RANBP2: variants seen among roughly 807,000 people sequenced by gnomAD.
The protein encoded by RANBP2 is RAN binding protein 2, also known as E3 SUMO-protein ligase RanBP2.
Under a neutral mutation model 303.6 loss-of-function variants are expected in RANBP2, and 57 were observed. The observed-to-expected ratio is 0.19, with a 90% CI of 0.15 to 0.23. The LOEUF (loss-of-function observed/expected upper bound fraction) is 0.23. Ranked by LOEUF, RANBP2 falls within the 10% of genes least tolerant of loss-of-function variation. RANBP2 has a pLI of 1.00. For synonymous variants in RANBP2, 1,167 were observed against 1,301.5 expected, an observed-to-expected ratio of 0.90 and a Z score of 2.23; for missense variants, 3,138 against 3,780.8, an observed-to-expected ratio of 0.83 and a Z score of 4.46.
chr2:108,794,558 C>G, the RANBP2 span: 7 of 1,609,424 alleles, frequency 4.3e-6, no homozygotes, highest in Non-Finnish European at 5.9e-6. Context: ...CCAACTAATA[C>G]GACCTCATCG....
the RANBP2 span, among the ~76,000 whole-genome samples, chr2:109,276,167 T>A: frequency 6.6e-6 from 1 of 152,286 alleles, no homozygotes; most frequent in African/African-American, 2.4e-5. Flanking sequence ...GAGCAGGCAT[T>A]CAACTTAAGA....
At chr2:109,398,699 C>T in the RANBP2 span, 1 of 1,611,872 alleles carries the variant, frequency 6.2e-7, no homozygotes, top group Non-Finnish European at 8.5e-7. Flanking sequence ...GCCAGCGTGG[C>T]CCCAAGTCCC....
At chr2:109,375,514 A>G in the RANBP2 span, among the ~76,000 whole-genome samples, 10 of 152,026 alleles carry the variant, frequency 6.6e-5, no homozygotes, top group African/African-American at 2.2e-4. Context: ...ACTAAATCCA[A>G]ACACTCCACC....
At chr2:109,182,626 T>C in the RANBP2 span, among the ~76,000 whole-genome samples, 3 of 152,242 alleles carry the variant, frequency 2.0e-5, no homozygotes, top group Non-Finnish European at 4.4e-5. Context: ...AATTGGTGAC[T>C]AAAGGAATGA....
the RANBP2 span, among the ~76,000 whole-genome samples, chr2:109,644,286 A>G: frequency 2.6e-5 from 4 of 151,880 alleles, no homozygotes; most frequent in Non-Finnish European, 5.9e-5. Context: ...CAGCCTGGGC[A>G]ACAGAGTGAG....
the RANBP2 span, among the ~76,000 whole-genome samples, chr2:108,869,078 T>C: frequency 2.6e-5 from 4 of 152,046 alleles, no homozygotes; most frequent in Non-Finnish European, 5.9e-5. Context: ...TTGTACATGC[T>C]CAAGCAGAGC....
the RANBP2 span, among the ~76,000 whole-genome samples, chr2:109,032,580 T>C: frequency 2.6e-5 from 4 of 151,834 alleles, no homozygotes; most frequent in East Asian, 7.8e-4. Flanking sequence ...CTTTCTCCCC[T>C]CCCCATGGGG....
At chr2:108,955,661 A>G in the RANBP2 span, among the ~76,000 whole-genome samples, 1 of 150,828 alleles carries the variant, frequency 6.6e-6, no homozygotes, top group African/African-American at 2.4e-5. Context: ...AGCCGAGATC[A>G]CACCACTGCA....
chr2:109,021,248 G>T, the RANBP2 span, among the ~76,000 whole-genome samples: 3 of 152,186 alleles, frequency 2.0e-5, no homozygotes, highest in Admixed American at 2.0e-4. Flanking sequence ...AAGCCATCGG[G>T]CGCGGTGGCT....
the RANBP2 span, among the ~76,000 whole-genome samples, chr2:108,833,103 G>A: frequency 6.6e-6 from 1 of 152,178 alleles, no homozygotes; most frequent in African/African-American, 2.4e-5. Flanking sequence ...AGCTGCCAGG[G>A]GTTCTGAGAA....
chr2:108,953,630 T>C, the RANBP2 span, among the ~76,000 whole-genome samples: 2 of 152,146 alleles, frequency 1.3e-5, no homozygotes. Flanking sequence ...CACAACCAGA[T>C]GATTTTCTAG....
chr2:109,296,832 T>C, the RANBP2 span, among the ~76,000 whole-genome samples: 52 of 152,294 alleles, frequency 3.4e-4, no homozygotes, highest in East Asian at 9.8e-3. Context: ...CTGCTGCCAG[T>C]GGCCCCCAAG....
At chr2:109,364,807 G>A in the RANBP2 span, among the ~76,000 whole-genome samples, 19 of 152,118 alleles carry the variant, frequency 1.2e-4, no homozygotes, top group African/African-American at 3.9e-4. Flanking sequence ...AACCCCAATG[G>A]GGGCCAGATG....
At chr2:108,782,079 G>A in intron 26 of RANBP2, 49 bp from the exon 27 acceptor site, 1 of 1,588,668 alleles carries the variant, frequency 6.3e-7, no homozygotes. Context: ...ATTTGTCATG[G>A]AATTTATTAT....
intron 1 of RANBP2, among the ~76,000 whole-genome samples, chr2:108,727,116 G>A (rs1694782415): frequency 6.6e-6 from 1 of 152,098 alleles, no homozygotes; most frequent in African/African-American, 2.4e-5. Flanking sequence ...AACCGCCATT[G>A]TCATCATGGC....
the RANBP2 span, among the ~76,000 whole-genome samples, chr2:109,059,013 T>C: frequency 6.6e-6 from 1 of 151,708 alleles, no homozygotes; most frequent in African/African-American, 2.4e-5. Context: ...ATATGGGGCA[T>C]AGTGGCCATG....
chr2:109,365,854 G>A, the RANBP2 span, among the ~76,000 whole-genome samples: 2,907 of 152,192 alleles, frequency 0.019, 89 homozygotes, highest in African/African-American at 0.066. Flanking sequence ...CTGTTAAATT[G>A]CCTGGAAATC....
At chr2:109,674,410 CAAAAAAAAAAAAA>C in the RANBP2 span, among the ~76,000 whole-genome samples, 2 of 75,302 alleles carry the variant, frequency 2.7e-5, no homozygotes, top group African/African-American at 5.2e-5. Context: ...CTTGTGTCTC[CAAAAAAAAAAAAA>C]AAAAAAAAAA....
At chr2:109,457,365 T>C in the RANBP2 span, among the ~76,000 whole-genome samples, 1 of 152,264 alleles carries the variant, frequency 6.6e-6, no homozygotes, top group Admixed American at 6.5e-5. Flanking sequence ...TAAACTATTA[T>C]TCAGAAGTAG....
Sources: allele counts gnomAD v4.1 joint callset (sites outside exome capture counted in the v4.1 genomes callset), GRCh38; gene constraint gnomAD v4.1.1; transcripts MANE v1.5; gene names NCBI Gene and HGNC (gene_info 2026-07-23, HGNC 2026-07-21).